PHEX: variants seen among roughly 807,000 people sequenced by gnomAD.
The protein encoded by PHEX is phosphate regulating endopeptidase X-linked, also known as phosphate-regulating neutral endopeptidase PHEX.
Under a neutral mutation model 68.0 loss-of-function variants are expected in PHEX, and 16 were observed. The ratio of observed to expected loss-of-function variants is 0.24; its 90% CI spans 0.16 to 0.36. The LOEUF is 0.36. PHEX is among the 10% of genes least tolerant of loss of function. The probability of loss-of-function intolerance (pLI) is 1.00; values close to 1 mark genes in which losing one functional copy is unlikely to be tolerated. For synonymous variants in PHEX, 208 were observed against 205.1 expected (o/e 1.01, Z -0.12); for missense variants, 480 against 575.5 (o/e 0.83, Z 1.70).
intron 12 of PHEX, among the ~76,000 whole-genome samples, chrX:22,160,258 G>C (rs1189291027): frequency 8.9e-6 from 1 of 111,893 alleles, no homozygotes; most frequent in Non-Finnish European, 1.9e-5. Context: ...GCAAGAGAAA[G>C]CATGTGCAGG....
intron 9 of PHEX, among the ~76,000 whole-genome samples, chrX:22,107,185 C>T (rs1432399798): frequency 8.9e-6 from 1 of 112,002 alleles, no homozygotes; most frequent in East Asian, 2.8e-4. Flanking sequence ...TGTGAGATGC[C>T]TAAATGGGAT....
intron 11 of PHEX, among the ~76,000 whole-genome samples, chrX:22,126,920 C>T (rs1931758210): frequency 2.3e-5 from 2 of 86,665 alleles, no homozygotes; most frequent in African/African-American, 4.7e-5. Context: ...CACCCAGGCT[C>T]GAGTGCAGTG....
intron 5 of PHEX, among the ~76,000 whole-genome samples, chrX:22,087,551 T>G (rs1233788328): frequency 9.0e-6 from 1 of 111,704 alleles, no homozygotes; most frequent in Non-Finnish European, 1.9e-5. Flanking sequence ...TTTGTAAAAT[T>G]TGTTGTATAT....
chrX:22,240,976 C>G (rs755446891), intron 20 of PHEX, among the ~76,000 whole-genome samples: 1 of 112,133 alleles, frequency 8.9e-6, no homozygotes, highest in Non-Finnish European at 1.9e-5. Context: ...AATATACATT[C>G]TTCTCAGCAC....
At chrX:22,055,205 A>C (rs1292115792) in intron 3 of PHEX, among the ~76,000 whole-genome samples, 1 of 84,057 alleles carries the variant, frequency 1.2e-5, no homozygotes, top group African/African-American at 4.6e-5. Flanking sequence ...AAAAAAAAAA[A>C]AAAAAAAAAA....
In PHEX at chrX:22,077,099, T is replaced by G. The variant is rs753848174; in HGVS notation, c.437-377T>G. The stretch of plus-strand genomic sequence containing the variant: ...AGACAGGAATCTGAAGCATCACTTC[T>G]TCTTCATTGGGTAGTGATTGGCTTT... On this transcript the variant is annotated intron_variant, in intron 4 of 21. Coordinates refer to ENST00000379374, the MANE Select transcript of PHEX (RefSeq NM_000444.6). Among the ~76,000 whole-genome samples the G allele has an allele frequency of 1.8e-4, 20 of 112,184 alleles. 1 individual carries two copies. The South Asian group carries it at 6.0e-3, about 34-fold the overall frequency.
intron 3 of PHEX, among the ~76,000 whole-genome samples, chrX:22,063,058 G>A (rs1473478661): frequency 9.0e-6 from 1 of 111,584 alleles, no homozygotes; most frequent in Non-Finnish European, 1.9e-5. Flanking sequence ...ACTGCACCTG[G>A]CTAGATGTGA....
chrX:22,247,495 C>A (rs931426846), intron 21 of PHEX, among the ~76,000 whole-genome samples: 1 of 112,176 alleles, frequency 8.9e-6, no homozygotes, highest in African/African-American at 3.2e-5. Flanking sequence ...GGCATATACA[C>A]ACAAAAACTG....
chrX:22,114,555 A>G lies in PHEX; in HGVS notation c.1271A>G (p.Asp424Gly). The G allele has an allele frequency of 8.3e-7, 1 of 1,204,168 alleles. No individual in the cohort carries two copies. The highest frequency in any genetic ancestry group is 1.1e-6 in the Non-Finnish European group (1 of 888,679). ...LPYVVGKMFV[D>G]VYFQEDKKEM... Reference sequence around the variant, plus strand: ...TATGTTGTTGGAAAGATGTTTGTAGATGTGTACTTCCAGGAAGATAAGAAG... The same window carrying G: ...TATGTTGTTGGAAAGATGTTTGTAGGTGTGTACTTCCAGGAAGATAAGAAG... Residue 424 changes from aspartate to glycine, a missense_variant, in exon 11 of 22, where the codon GAT becomes GGT. Physicochemically the swap from Asp to Gly is moderately conservative, Grantham distance 94 (BLOSUM62 -1). Transcript: ENST00000379374.
At chrX:22,240,294 T>TAAAG (rs1369404883) in intron 20 of PHEX, among the ~76,000 whole-genome samples, 158 of 111,338 alleles carry the variant, frequency 1.4e-3, no homozygotes, top group African/African-American at 4.9e-3. Flanking sequence ...CACCAAATTG[T>TAAAG]AAAGACCATC....
At chrX:22,215,145 T>A (rs1935046654) in intron 16 of PHEX, among the ~76,000 whole-genome samples, 2 of 111,632 alleles carry the variant, frequency 1.8e-5, no homozygotes, top group South Asian at 7.5e-4. Context: ...AGTAATTTGT[T>A]TATTGGGTCT....
chrX:22,093,127 A>G (rs1376517496), intron 6 of PHEX, among the ~76,000 whole-genome samples: 2 of 112,200 alleles, frequency 1.8e-5, no homozygotes, highest in Admixed American at 9.4e-5. Context: ...TAAGTACTGT[A>G]TAGGTCCTAA....
chrX:22,134,589 T>A (rs963922268), intron 12 of PHEX, among the ~76,000 whole-genome samples: 1 of 112,496 alleles, frequency 8.9e-6, no homozygotes, highest in African/African-American at 3.2e-5. Context: ...CGAGACTCCA[T>A]CTCTGAATAA....
In PHEX at chrX:22,085,312, T is replaced by C. The variant is rs1602280555; in HGVS notation, c.664-5117T>C. 3.6e-5 allele frequency among the ~76,000 whole-genome samples: 4 copies of C among 111,632 alleles called. 1 individual carries two copies. In the Admixed American group the frequency reaches 3.8e-4, roughly 11 times the overall value. On this transcript the variant is annotated intron_variant, in intron 5 of 21. Transcript: ENST00000379374. The stretch of plus-strand genomic sequence containing the variant: ...GTGTTTGGCCAGGCATGGTGGCTCA[T>C]GCCTGTAATCCCAGCACTATGGGAG...
chrX:22,157,318 C>A (rs1210227012), intron 12 of PHEX, among the ~76,000 whole-genome samples: 2 of 111,878 alleles, frequency 1.8e-5, no homozygotes, highest in African/African-American at 6.5e-5. Flanking sequence ...ACGGTGAAAC[C>A]CTGTCTATAT....
intron 3 of PHEX, among the ~76,000 whole-genome samples, chrX:22,057,414 GC>G (rs1228694166): frequency 9.0e-6 from 1 of 110,806 alleles, no homozygotes; most frequent in Non-Finnish European, 1.9e-5. Flanking sequence ...GACCAGCCTG[GC>G]CAACAGAATA....
chrX:22,047,920 T>G, intron 3 of PHEX, among the ~76,000 whole-genome samples: 1 of 109,484 alleles, frequency 9.1e-6, no homozygotes, highest in Non-Finnish European at 1.9e-5. Context: ...CAAAGCCAGA[T>G]AAGGTAATTA....
rs1363483469 is a variant in PHEX at position 22,176,396 on chromosome X, AAAAAAAATATAT to A, written c.1483-1875_1483-1864del. 4.3e-3 allele frequency among the ~76,000 whole-genome samples: 341 copies of A among 79,070 alleles called. 2 individuals carry two copies. Among genetic ancestry groups the A allele is most frequent in the African/African-American group, 0.024 (325 of 13,385 alleles). 68.7% of individuals were successfully genotyped at this position (79,070 alleles called of 115,157 possible). On this transcript the variant is annotated intron_variant, in intron 13 of 21. Transcript: ENST00000379374. ...AGCGAGACTGTCTCAAAAAAAAAAA[AAAAAAAATATAT>A]ATATATATATATATATATGTATGTA... is the stretch of plus-strand genomic sequence containing the variant.
At chrX:22,115,761 A>G (rs1216824947) in intron 11 of PHEX, among the ~76,000 whole-genome samples, 4 of 108,573 alleles carry the variant, frequency 3.7e-5, no homozygotes, top group Non-Finnish European at 7.5e-5. Context: ...CTGTTGCAAA[A>G]GGCAGGATTT....
Sources: gnomAD v4.1 joint callset for allele counts (sites outside exome capture counted in the v4.1 genomes callset) on GRCh38, gnomAD v4.1.1 for gene constraint, MANE v1.5 for transcripts, NCBI Gene and HGNC (gene_info 2026-07-23, HGNC 2026-07-21) for gene names.